Variants in USP49 observed in about 807,000 individuals in gnomAD.
USP49 encodes ubiquitin specific peptidase 49, also known as ubiquitin carboxyl-terminal hydrolase 49.
Under a neutral mutation model 58.6 loss-of-function variants are expected in USP49, and 24 were observed. The ratio of observed to expected loss-of-function variants is 0.41; its 90% confidence interval spans 0.30 to 0.58. USP49 has a LOEUF of 0.58. Among genes scored for constraint, USP49 ranks in the 20% least tolerant of loss-of-function variants. The probability of loss-of-function intolerance (pLI) is 0.30; values close to 1 mark genes in which losing one functional copy is unlikely to be tolerated. For missense variants in USP49, 703 were observed against 866.1 expected, an observed-to-expected ratio of 0.81 and a Z score of 2.36; for synonymous variants, 408 against 365.1, an observed-to-expected ratio of 1.12 and a Z score of -1.34.
At chr6:41,810,144 T>G (rs1365986943) in intron 3 of USP49, among the ~76,000 whole-genome samples, 2 of 149,002 alleles carry the variant, frequency 1.3e-5, no homozygotes, top group Non-Finnish European at 3.0e-5. Flanking sequence ...AGAGCAAGAC[T>G]CCGTCTCAAA....
intron 2 of USP49, among the ~76,000 whole-genome samples, chr6:41,889,186 C>T (rs1356333244): frequency 6.6e-6 from 1 of 152,004 alleles, no homozygotes; most frequent in African/African-American, 2.4e-5. Context: ...GCACGTGCCA[C>T]CACGTGTGGC....
intron 3 of USP49, among the ~76,000 whole-genome samples, chr6:41,835,434 C>T (rs1226353310): frequency 1.3e-5 from 2 of 152,144 alleles, no homozygotes; most frequent in Non-Finnish European, 1.5e-5. Flanking sequence ...GAAAATCTGG[C>T]CGGGTGCAGT....
At chr6:41,811,071 G>A (rs2127327157) in intron 3 of USP49, among the ~76,000 whole-genome samples, 1 of 152,190 alleles carries the variant, frequency 6.6e-6, no homozygotes, top group South Asian at 2.1e-4. Flanking sequence ...ATATACTGCA[G>A]GACCAAATTA....
At chr6:41,855,487 C>T (rs577985911) in intron 3 of USP49, among the ~76,000 whole-genome samples, 22 of 152,170 alleles carry the variant, frequency 1.4e-4, no homozygotes, top group African/African-American at 4.8e-4. Context: ...TGCACTCCAG[C>T]CTGGGCAACA....
chr6:41,819,636 G>A (rs1318505693), intron 3 of USP49, among the ~76,000 whole-genome samples: 1 of 152,024 alleles, frequency 6.6e-6, no homozygotes, highest in Non-Finnish European at 1.5e-5. Context: ...ATAAAATAGG[G>A]GATGTAGGCA....
intron 7 of USP49, 129 bp downstream of exon 7, chr6:41,798,595 C>T: frequency 6.3e-7 from 1 of 1,578,524 alleles, no homozygotes; most frequent in Non-Finnish European, 8.6e-7. Context: ...CAATTCTTTC[C>T]ACTGGATTTT....
At chr6:41,872,188 T>C (rs577925804) in intron 2 of USP49, among the ~76,000 whole-genome samples, 102 of 152,336 alleles carry the variant, frequency 6.7e-4, no homozygotes, top group African/African-American at 2.4e-3. Flanking sequence ...TTTGACAAAT[T>C]ATATGTATAA....
At chr6:41,819,702 T>A (rs191323856) in intron 3 of USP49, among the ~76,000 whole-genome samples, 367 of 152,212 alleles carry the variant, frequency 2.4e-3, no homozygotes, top group South Asian at 8.9e-3. Context: ...AATAGATGGA[T>A]AAGGTTGACA....
rs544125093 is a variant in USP49 at position 41,829,821 on chromosome 6, G to T, written c.-28-22810C>A. On this transcript the variant is annotated intron_variant, in intron 3 of 7. Transcript: ENST00000682992. The stretch of plus-strand genomic sequence containing the variant: ...TGTGATGTCTACCAAAGGAAGTTTT[G>T]GTTAACTTTAGGTTAAGAAAGTTTT... 8.5e-5 allele frequency among the ~76,000 whole-genome samples: 13 copies of T among 152,228 alleles called. No individual in the cohort carries two copies. The East Asian group carries it at 2.3e-3, about 27-fold the overall frequency.
At chr6:41,837,515 G>A (rs1773748915) in intron 3 of USP49, among the ~76,000 whole-genome samples, 1 of 152,132 alleles carries the variant, frequency 6.6e-6, no homozygotes, top group Non-Finnish European at 1.5e-5. Flanking sequence ...AGAAAACCTA[G>A]GAAATACCAT....
At chr6:41,852,672 T>C (rs769046966) in intron 3 of USP49, among the ~76,000 whole-genome samples, 4 of 152,166 alleles carry the variant, frequency 2.6e-5, no homozygotes, top group South Asian at 4.1e-4. Context: ...ACAGATTCGA[T>C]GCAAGCCCTA....
intron 3 of USP49, among the ~76,000 whole-genome samples, chr6:41,827,434 T>G (rs1460383234): frequency 6.6e-6 from 1 of 151,982 alleles, no homozygotes; most frequent in Non-Finnish European, 1.5e-5. Context: ...CCGAGGCGGA[T>G]GGATCACTTG....
chr6:41,799,994 G>A, intron 5 of USP49, 56 bp from the exon 6 acceptor site: 1 of 1,482,846 alleles, frequency 6.7e-7, no homozygotes, highest in Non-Finnish European at 9.4e-7. Context: ...TTCTAGCTAT[G>A]GCAGAGACAG....
At chr6:41,877,058 T>C (rs1205113354) in intron 2 of USP49, among the ~76,000 whole-genome samples, 1 of 152,240 alleles carries the variant, frequency 6.6e-6, no homozygotes, top group African/African-American at 2.4e-5. Context: ...ATATAACATT[T>C]CACATTTCAG....
chr6:41,883,464 C>T (rs960349760), intron 2 of USP49, among the ~76,000 whole-genome samples: 4 of 150,610 alleles, frequency 2.7e-5, no homozygotes, highest in African/African-American at 9.8e-5. Context: ...CGAAACCAGC[C>T]TGGCCAACAT....
At chr6:41,888,048 C>CTTTTTTTTTTTTTTTTTT (rs35468035) in intron 2 of USP49, among the ~76,000 whole-genome samples, 2 of 85,478 alleles carry the variant, frequency 2.3e-5, no homozygotes, top group Non-Finnish European at 4.4e-5. Context: ...TCACAATCAG[C>CTTTTTTTTTTTTTTTTTT]TTTTTTTTTT....
chr6:41,796,945 A>ATTT (rs5875772), intron 7 of USP49, among the ~76,000 whole-genome samples: 4 of 107,762 alleles, frequency 3.7e-5, no homozygotes, highest in African/African-American at 3.7e-5. Flanking sequence ...ACTGACTGCA[A>ATTT]TTTTTTTTTT....
intron 3 of USP49, among the ~76,000 whole-genome samples, chr6:41,826,821 T>C (rs890275395): frequency 3.3e-5 from 5 of 152,152 alleles, no homozygotes; most frequent in Non-Finnish European, 7.4e-5. Flanking sequence ...TGTGGAGGAC[T>C]GTGGAGGACT....
intron 2 of USP49, among the ~76,000 whole-genome samples, chr6:41,872,434 G>C (rs1774427982): frequency 6.6e-6 from 1 of 152,140 alleles, no homozygotes; most frequent in South Asian, 2.1e-4. Context: ...CGTCTGGGAA[G>C]TGAGGAGTGC....
Sources: gnomAD v4.1 joint callset for allele counts (sites outside exome capture counted in the v4.1 genomes callset) on GRCh38, gnomAD v4.1.1 for gene constraint, MANE v1.5 for transcripts, NCBI Gene and HGNC (gene_info 2026-07-23, HGNC 2026-07-21) for gene names.